NUMA1: variants seen among roughly 807,000 people sequenced by gnomAD.
NUMA1 encodes the protein SP-H antigen.
In NUMA1, 62 loss-of-function variants were observed where a neutral mutation model predicts 237.1. That is an observed-to-expected ratio of 0.26 (90% confidence interval 0.21 to 0.32). The LOEUF is 0.32. NUMA1 is among the 10% of genes least tolerant of loss of function. The pLI, the probability that NUMA1 is intolerant of heterozygous loss-of-function variation, is 1.00. For missense variants in NUMA1, 2,533 were observed against 2,666.5 expected, an observed-to-expected ratio of 0.95 and a Z score of 1.10; for synonymous variants, 1,028 against 1,066.1, an observed-to-expected ratio of 0.96 and a Z score of 0.70.
At chr11:72,006,914 C>T (rs1955759560) in intron 21 of NUMA1, among the ~76,000 whole-genome samples, 1 of 152,232 alleles carries the variant, frequency 6.6e-6, no homozygotes, top group Non-Finnish European at 1.5e-5. Flanking sequence ...TGCAGCTTCG[C>T]CACGTTCTCT....
intron 1 of NUMA1, among the ~76,000 whole-genome samples, chr11:72,079,110 C>T (rs534028555): frequency 9.2e-5 from 14 of 152,214 alleles, no homozygotes; most frequent in Non-Finnish European, 1.9e-4. Context: ...ATTCCTGTGC[C>T]CTTTCAGCCC....
chr11:72,010,634 T>C (rs1316630995), intron 17 of NUMA1, 152 bp downstream of exon 17: 6 of 716,284 alleles, frequency 8.4e-6, no homozygotes, highest in Admixed American at 7.1e-5. Flanking sequence ...AGAAGACACA[T>C]GCAGGGGCTT....
intron 5 of NUMA1, 174 bp downstream of exon 5, chr11:72,024,100 G>T: frequency 1.7e-6 from 1 of 591,286 alleles, no homozygotes; most frequent in South Asian, 2.0e-5. Flanking sequence ...ACCAACTGAT[G>T]AAGGCATCAC....
At chr11:72,064,462 C>T (rs946344009) in intron 2 of NUMA1, among the ~76,000 whole-genome samples, 1 of 151,198 alleles carries the variant, frequency 6.6e-6, no homozygotes, top group African/African-American at 2.4e-5. Flanking sequence ...AGCAAGGCCC[C>T]GTCTCTGGGG....
chr11:72,019,469 C>T (rs1938421736), intron 9 of NUMA1, 25 bp downstream of exon 9: 1 of 1,609,490 alleles, frequency 6.2e-7, no homozygotes, highest in East Asian at 2.2e-5. Context: ...AGGCCCTATC[C>T]CAGGAGGAGA....
At chr11:72,079,274 G>A (rs1479275082) in intron 1 of NUMA1, among the ~76,000 whole-genome samples, 1 of 84,670 alleles carries the variant, frequency 1.2e-5, no homozygotes, top group Non-Finnish European at 2.6e-5. Flanking sequence ...GGGCGTGATG[G>A]CTCACGCCTG....
At chr11:72,052,788 T>C (rs1279167944) in intron 2 of NUMA1, among the ~76,000 whole-genome samples, 1 of 148,050 alleles carries the variant, frequency 6.8e-6, no homozygotes, top group Non-Finnish European at 1.5e-5. Context: ...AAAACAAGGG[T>C]AAGTAATATT....
At chr11:72,003,838 G>T in intron 26 of NUMA1, 49 bp downstream of exon 26, 1 of 1,583,766 alleles carries the variant, frequency 6.3e-7, no homozygotes, top group Non-Finnish European at 8.6e-7. Context: ...TCTGGGGGGT[G>T]CCCATGCTCT....
chr11:72,039,852 C>A (rs976221376), intron 2 of NUMA1: 2 of 152,126 alleles, frequency 1.3e-5, no homozygotes, highest in Non-Finnish European at 2.9e-5. Context: ...GATCTTGGGG[C>A]TCCTCCTCCT....
intron 2 of NUMA1, among the ~76,000 whole-genome samples, chr11:72,046,097 C>G (rs1941979401): frequency 6.6e-6 from 1 of 152,212 alleles, no homozygotes. Flanking sequence ...TGGCCAGTTT[C>G]GCCAGGCTTT....
intron 3 of NUMA1, among the ~76,000 whole-genome samples, chr11:72,033,934 C>T (rs1224892552): frequency 5.9e-5 from 9 of 152,110 alleles, no homozygotes; most frequent in Non-Finnish European, 1.3e-4. Context: ...GCCTGGGCAA[C>T]TTAGCAAGAC....
chr11:72,011,238 G>A lies in NUMA1; in HGVS notation c.4651-384C>T, dbSNP rs532826491. Among the ~76,000 whole-genome samples, 25 of 152,296 alleles carry A rather than the reference G, an allele frequency of 1.6e-4. No individual in the cohort carries two copies. The East Asian group carries it at 4.8e-3, about 29-fold the overall frequency. On this transcript the variant is annotated intron_variant, in intron 16 of 26. Transcript: ENST00000393695. ...TCCCAGGACCTAGTCTGTAATTCTAGTAGACATACTCAATGAATTCCCATG... is the reference window on the plus strand; with the variant it reads ...TCCCAGGACCTAGTCTGTAATTCTAATAGACATACTCAATGAATTCCCATG...
intron 2 of NUMA1, among the ~76,000 whole-genome samples, chr11:72,051,190 A>G (rs1286754712): frequency 6.6e-6 from 1 of 152,136 alleles, no homozygotes; most frequent in Non-Finnish European, 1.5e-5. Flanking sequence ...GTGCTGTCCT[A>G]TCCACACTTT....
intron 24 of NUMA1, 66 bp from the exon 25 acceptor site, chr11:72,004,407 G>C: frequency 3.4e-6 from 5 of 1,452,070 alleles, no homozygotes; most frequent in Non-Finnish European, 4.8e-6. Context: ...CAGGTGTCTT[G>C]TCCTCTCAGA....
At chr11:72,066,033 TG>T (rs1943180317) in intron 2 of NUMA1, 1 of 151,980 alleles carries the variant, frequency 6.6e-6, no homozygotes, top group Non-Finnish European at 1.5e-5. Context: ...GGGCCGGGCG[TG>T]GTGGCTCATG....
intron 17 of NUMA1, among the ~76,000 whole-genome samples, chr11:72,010,549 G>A (rs572256020): frequency 4.6e-5 from 7 of 152,336 alleles, no homozygotes; most frequent in African/African-American, 1.7e-4. Context: ...ATAACCACAC[G>A]TGACTAGTAG....
intron 17 of NUMA1, 44 bp downstream of exon 17, chr11:72,010,742 C>T (rs1405395053): frequency 8.2e-6 from 13 of 1,591,614 alleles, no homozygotes; most frequent in Middle Eastern, 1.7e-4. Context: ...GAATAGCTTC[C>T]CTCCCTTGTC....
In NUMA1 at chr11:72,014,126, C is replaced by T. The variant is rs1409690578; in HGVS notation, c.3377G>A (p.Arg1126Gln). The part of the protein sequence containing the change: ...EPTGPKLEAL[R>Q]AEVSKLEQQC... The stretch of plus-strand genomic sequence containing the variant: ...CTGTTCCAGCTTGCTCACCTCTGCC[C>T]GCAGTGCCTCCAGCTTGGGGCCTGT... Residue 1126 changes from arginine to glutamine, a missense_variant, in exon 15 of 27, where the codon CGG becomes CAG. This residue lies in a region of NUMA1 where 1,414 missense variants were observed against 1,508.1 expected (regional missense o/e 0.94). Transcript: ENST00000393695. The surrounding 1 kb of genome is among the most constrained non-coding windows in gnomAD (Gnocchi z 4.6). 2.5e-6 allele frequency: 4 copies of T among 1,612,380 alleles called. No individual in the cohort carries two copies. The highest frequency in any genetic ancestry group is 2.7e-5 in the African/African-American group (2 of 75,048).
chr11:72,035,197 A>G (rs1940859080), intron 3 of NUMA1, among the ~76,000 whole-genome samples: 1 of 151,856 alleles, frequency 6.6e-6, no homozygotes, highest in Non-Finnish European at 1.5e-5. Flanking sequence ...TTATTTTTTC[A>G]TTTGCCACTG....
Sources: gnomAD v4.1 joint callset for allele counts (sites outside exome capture counted in the v4.1 genomes callset) on GRCh38, gnomAD v4.1.1 for gene constraint, gnomAD v4.1.1 regional missense constraint, Gnocchi (gnomAD v3.1) non-coding constraint, MANE v1.5 for transcripts, NCBI Gene and HGNC (gene_info 2026-07-23, HGNC 2026-07-21) for gene names.